Variants in CFAP61 observed in about 807,000 individuals in gnomAD.
CFAP61 encodes cilia and flagella associated protein 61.
CFAP61 carries 107 observed loss-of-function variants against 135.6 expected under a neutral mutation model. The observed-to-expected ratio is 0.79, with a 90% CI of 0.67 to 0.93. The LOEUF is 0.93. Ranked by LOEUF, CFAP61 falls within the 40% of genes least tolerant of loss-of-function variation. The pLI is 0.00. For missense variants in CFAP61, 1,507 were observed against 1,556.2 expected, an observed-to-expected ratio of 0.97 and a Z score of 0.53; for synonymous variants, 575 against 578.5, an observed-to-expected ratio of 0.99 and a Z score of 0.09.
chr20:20,159,807 A>G (rs2053245817), intron 10 of CFAP61, among the ~76,000 whole-genome samples: 1 of 152,252 alleles, frequency 6.6e-6, no homozygotes, highest in Non-Finnish European at 1.5e-5. Flanking sequence ...ATATGCACAT[A>G]CATACACTTC....
chr20:20,342,514 C>G (rs578111221), intron 26 of CFAP61, among the ~76,000 whole-genome samples: 1 of 152,234 alleles, frequency 6.6e-6, no homozygotes, highest in Non-Finnish European at 1.5e-5. Flanking sequence ...ATGAGAATCT[C>G]TAGCAGAACT....
chr20:20,250,142 C>G (rs944856795), intron 19 of CFAP61, among the ~76,000 whole-genome samples: 3 of 152,180 alleles, frequency 2.0e-5, no homozygotes, highest in African/African-American at 7.2e-5. Flanking sequence ...GTGGTAAGAC[C>G]AGGCTTATGC....
chr20:20,054,494 T>A (rs933344515), intron 1 of CFAP61, among the ~76,000 whole-genome samples: 32 of 152,316 alleles, frequency 2.1e-4, no homozygotes, highest in Admixed American at 6.5e-4. Flanking sequence ...AAACATTTTT[T>A]AAAAATTACA....
chr20:20,210,741 T>C (rs1383335447), intron 17 of CFAP61, among the ~76,000 whole-genome samples: 1 of 152,202 alleles, frequency 6.6e-6, no homozygotes, highest in Non-Finnish European at 1.5e-5. Flanking sequence ...TAGATGCATA[T>C]AGAATAAAGT....
chr20:20,288,510 G>T, intron 22 of CFAP61, 99 bp from the exon 23 acceptor site: 1 of 888,166 alleles, frequency 1.1e-6, no homozygotes, highest in Non-Finnish European at 1.8e-6. Flanking sequence ...GTGTATTTTT[G>T]TGCCCCGAAT....
At chr20:20,226,739 C>T (rs2048762625) in intron 17 of CFAP61, among the ~76,000 whole-genome samples, 1 of 152,184 alleles carries the variant, frequency 6.6e-6, no homozygotes, top group African/African-American at 2.4e-5. Flanking sequence ...TGCAAAAGTC[C>T]TGGGCTTCAC....
intron 25 of CFAP61, among the ~76,000 whole-genome samples, chr20:20,316,604 C>T (rs1461829932): frequency 6.6e-6 from 1 of 151,718 alleles, no homozygotes; most frequent in Non-Finnish European, 1.5e-5. Flanking sequence ...GAGAGGGCAT[C>T]CCTGTCTTGT....
chr20:20,139,562 C>T (rs2146742328), intron 8 of CFAP61, among the ~76,000 whole-genome samples: 1 of 152,300 alleles, frequency 6.6e-6, no homozygotes, highest in East Asian at 1.9e-4. Flanking sequence ...CAGGATAGCA[C>T]CTCTTATTTG....
chr20:20,187,359 A>G (rs544061776), intron 13 of CFAP61, among the ~76,000 whole-genome samples: 14 of 152,360 alleles, frequency 9.2e-5, no homozygotes, highest in Middle Eastern at 3.4e-3. Context: ...GGAGAAAACC[A>G]TCATGGAGAG....
At chr20:20,062,884 A>G (rs2044914909) in intron 2 of CFAP61, among the ~76,000 whole-genome samples, 1 of 152,222 alleles carries the variant, frequency 6.6e-6, no homozygotes, top group South Asian at 2.1e-4. Flanking sequence ...AGAATATTTT[A>G]TATATGGGAT....
chr20:20,247,347 T>C (rs1321689045), intron 19 of CFAP61, among the ~76,000 whole-genome samples: 2 of 152,210 alleles, frequency 1.3e-5, no homozygotes, highest in Non-Finnish European at 2.9e-5. Flanking sequence ...AGAAAACAGC[T>C]ACCGAGGGGG....
intron 21 of CFAP61, among the ~76,000 whole-genome samples, chr20:20,263,430 A>C (rs564851970): frequency 2.0e-5 from 3 of 152,356 alleles, no homozygotes; most frequent in Admixed American, 2.0e-4. Context: ...GTTAAAGAAT[A>C]ATTTAATAAG....
At position 20,246,190 on chromosome 20, in the gene CFAP61, G is replaced by A; in HGVS notation, c.2134G>A (p.Glu712Lys). 2 of 1,612,932 alleles carry A rather than the reference G, an allele frequency of 1.2e-6. No individual in the cohort carries two copies. Among genetic ancestry groups the A allele is most frequent in the Non-Finnish European group, 1.7e-6 (2 of 1,178,960 alleles). ...CCCAGGAAAAAAACTTCTGGACACT[G>A]AACAAAGGAAATTTTTAGCCAGCGA... ...GLPGKKLLDT[E>K]QRKFLASDHC... Residue 712 changes from glutamate to lysine, a missense_variant, in exon 19 of 27, where the codon GAA (glutamate) becomes AAA (lysine). Glu to Lys is a moderately conservative substitution (Grantham distance 56, BLOSUM62 1). Coordinates refer to ENST00000245957, the MANE Select transcript of CFAP61 (RefSeq NM_015585.4).
chr20:20,262,573 C>T (rs1240511419), intron 20 of CFAP61, among the ~76,000 whole-genome samples: 1 of 152,144 alleles, frequency 6.6e-6, no homozygotes, highest in Non-Finnish European at 1.5e-5. Context: ...AGCCCCCAGC[C>T]CCTGAGTCAC....
intron 25 of CFAP61, among the ~76,000 whole-genome samples, chr20:20,327,777 CAAAAAAAAAAAAAAA>C (rs60171844): frequency 1.2e-4 from 7 of 60,344 alleles, no homozygotes; most frequent in African/African-American, 4.4e-4. Context: ...AAGAGCCTGT[CAAAAAAAAAAAAAAA>C]AAAAAAAAAA....
In CFAP61 at chr20:20,142,876, C is replaced by T. The variant is rs752812891; in HGVS notation, c.879C>T (p.Ser293=). ...TCAAAGATGCTGAGCTCAGGAGTAG[C>T]AGCCAAGGTTCCCAAAAAATAGTCG... ...RRSQDAELRS[S]SQGSQKIVEE... The change falls in exon 9 of 27, where the codon AGC becomes AGT. Residue 293 remains serine, a synonymous_variant. Transcript: ENST00000245957. 6.2e-7 allele frequency: 1 copy of T among 1,603,576 alleles called. No homozygotes were observed. The highest frequency in any genetic ancestry group is 8.5e-7 in the Non-Finnish European group (1 of 1,173,814).
At chr20:20,069,416 A>G (rs750613209) in intron 2 of CFAP61, among the ~76,000 whole-genome samples, 36 of 152,138 alleles carry the variant, frequency 2.4e-4, no homozygotes, top group Non-Finnish European at 5.0e-4. Context: ...AGTAGCTGGG[A>G]TTACAGGCAT....
At chr20:20,297,063 G>A (rs1026797913) in intron 24 of CFAP61, among the ~76,000 whole-genome samples, 2 of 151,962 alleles carry the variant, frequency 1.3e-5, no homozygotes, top group Admixed American at 1.3e-4. Context: ...ACACGCACCT[G>A]GGGGTGGCCC....
chr20:20,107,109 A>G (rs1568918697), intron 8 of CFAP61, among the ~76,000 whole-genome samples: 1 of 152,214 alleles, frequency 6.6e-6, no homozygotes, highest in Non-Finnish European at 1.5e-5. Context: ...CACCCATTGC[A>G]CTGAGGTCAC....
Sources: allele counts gnomAD v4.1 joint callset (sites outside exome capture counted in the v4.1 genomes callset), GRCh38; gene constraint gnomAD v4.1.1; transcripts MANE v1.5; gene names NCBI Gene and HGNC (gene_info 2026-07-23, HGNC 2026-07-21).